The following C22orf42 variants were observed in gnomAD, a reference collection of about 807,000 sequenced individuals.
C22orf42 encodes chromosome 22 open reading frame 42.
C22orf42 carries 24 observed loss-of-function variants against 31.4 expected under a neutral mutation model. The observed-to-expected ratio is 0.77, with a 90% CI of 0.55 to 1.08. C22orf42 has a LOEUF of 1.08. C22orf42 is among the 50% of genes least tolerant of loss of function. The probability of loss-of-function intolerance (pLI) is 0.00; values close to 1 mark genes in which losing one functional copy is unlikely to be tolerated. For missense variants in C22orf42, 276 were observed against 327.3 expected (o/e 0.84, Z 1.21); for synonymous variants, 96 against 112.7 (o/e 0.85, Z 0.94).
intron 6 of C22orf42, chr22:32,150,728 T>C: frequency 1.6e-6 from 1 of 627,966 alleles, no homozygotes. Flanking sequence ...AAGAACCAGT[T>C]AATACAGAAA....
chr22:32,155,589 T>G (rs1921217208), intron 1 of C22orf42, among the ~76,000 whole-genome samples: 2 of 151,498 alleles, frequency 1.3e-5, no homozygotes, highest in South Asian at 4.2e-4. Flanking sequence ...ATCCTGTACT[T>G]CCCTCTCAGT....
At chr22:32,150,807 A>G in intron 6 of C22orf42, 185 bp downstream of exon 6, 4 of 666,124 alleles carry the variant, frequency 6.0e-6, no homozygotes, top group Non-Finnish European at 1.1e-5. Context: ...GAGTTGGGAA[A>G]GACAGAGGAG....
chr22:32,158,990 ACATCTTCAG>A lies in C22orf42; in HGVS notation c.217_225del (p.Leu73_Met75del), dbSNP rs768201524. 6.8e-6 allele frequency: 11 copies of A among 1,614,026 alleles called. No homozygotes were observed. The highest frequency in any genetic ancestry group is 2.7e-5 in the African/African-American group (2 of 74,898). On this transcript the variant is annotated inframe_deletion, in exon 1 of 9. Transcript: ENST00000382097. Reference sequence around the variant, plus strand: ...GCACCCATGGCTTCTTTACCTTTGGACATCTTCAGCATCTTCGGCGTCTTCGGGAGGCTG... The same window carrying A: ...GCACCCATGGCTTCTTTACCTTTGGACATCTTCGGCGTCTTCGGGAGGCTG...
chr22:32,155,579 A>C (rs1603182039), intron 1 of C22orf42, among the ~76,000 whole-genome samples: 1 of 151,554 alleles, frequency 6.6e-6, no homozygotes, highest in African/African-American at 2.4e-5. Context: ...TTCCAAAGCA[A>C]TCCTGTACTT....
chr22:32,150,391 A>C lies in C22orf42; in HGVS notation c.582T>G (p.Leu194=), dbSNP rs1300525420. The C allele has an allele frequency of 1.9e-6, 3 of 1,614,142 alleles. No homozygotes were observed. The highest frequency in any genetic ancestry group is 2.5e-6 in the Non-Finnish European group (3 of 1,179,982). Residue 194 remains leucine (L), a synonymous_variant, in exon 7 of 9, where the codon CTT becomes CTG. Coordinates refer to ENST00000382097, the MANE Select transcript of C22orf42 (RefSeq NM_001010859.3). ...TGAGACCTGATGTCATGAAGTCTTCAAGAGAGACAGATAGGCTTTCACTGA... is the reference window on the plus strand; with the variant it reads ...TGAGACCTGATGTCATGAAGTCTTCCAGAGAGACAGATAGGCTTTCACTGA... ...SDLSESLSVS[L]EDFMTSGLSE...
upstream of C22orf42, chr22:32,159,384 G>T: frequency 2.1e-6 from 3 of 1,429,954 alleles, no homozygotes; most frequent in Non-Finnish European, 2.7e-6. Flanking sequence ...ACCAAGTCAG[G>T]CTAGTGGCTC....
chr22:32,152,523 A>G (rs1569334103), intron 3 of C22orf42, 39 bp downstream of exon 3: 1 of 1,567,524 alleles, frequency 6.4e-7, no homozygotes, highest in Non-Finnish European at 8.8e-7. Context: ...CAGAAAAAAC[A>G]AAAAGCATTT....
intron 4 of C22orf42, 147 bp from the exon 5 acceptor site, chr22:32,151,698 G>A (rs985716610): frequency 1.3e-6 from 1 of 769,704 alleles, no homozygotes; most frequent in African/African-American, 1.7e-5. Flanking sequence ...ATTCTCCTTG[G>A]TGCTGAAGGA....
chr22:32,154,728 T>C (rs1355149756), intron 1 of C22orf42, among the ~76,000 whole-genome samples: 1 of 152,208 alleles, frequency 6.6e-6, no homozygotes, highest in Non-Finnish European at 1.5e-5. Flanking sequence ...GCTATAGACC[T>C]ACTAAGATCT....
Position 32,150,096 on chromosome 22 carries a change from G to T in C22orf42, c.654+223C>A, listed in dbSNP as rs1305356294. ...GACTACTGTCATCCAGCAGGACTCA[G>T]TTGGTCATAAACTCCAGTGACTGGT... On this transcript the variant is annotated intron_variant, in intron 7 of 8. Transcript: ENST00000382097. Among the ~76,000 whole-genome samples the T allele has an allele frequency of 3.3e-5, 5 of 152,296 alleles. No individual in the cohort carries two copies. The East Asian group carries it at 9.6e-4, about 29-fold the overall frequency.
In C22orf42 at chr22:32,150,996, G is replaced by T. The variant is rs759151242; in HGVS notation, c.489C>A (p.Asp163Glu). The T allele has an allele frequency of 3.7e-6, 6 of 1,612,018 alleles. No individual in the cohort carries two copies. The highest frequency in any genetic ancestry group is 1.1e-5 in the South Asian group (1 of 90,502). ...TGTTTAAAAAAAAATACGTACGGTG[G>T]TCGTGCTTGGCCTCAGATATTTCCT... ...SDIEISEAKHDHHLVEDLSES... is the reference protein window; with the variant it reads ...SDIEISEAKHEHHLVEDLSES... The change falls in exon 6 of 9, where the codon GAC becomes GAA. Residue 163 changes from aspartate to glutamate, a missense_variant. Transcript: ENST00000382097.
At chr22:32,158,657 C>T (rs1921407108) in intron 1 of C22orf42, among the ~76,000 whole-genome samples, 1 of 152,176 alleles carries the variant, frequency 6.6e-6, no homozygotes, top group Admixed American at 6.5e-5. Context: ...CAATTGGGCC[C>T]TTAACTGGCT....
At position 32,154,887 on chromosome 22, in the gene C22orf42, C is replaced by T. The variant is rs192935184; in HGVS notation, c.233-569G>A. On this transcript the variant is annotated intron_variant, in intron 1 of 8. Coordinates refer to ENST00000382097, the MANE Select transcript of C22orf42 (RefSeq NM_001010859.3). ...ACAGAGAGGGAGCGTGTATGGCTCC[C>T]GGGCAGGGGAGGGTGGAAGGTGACT... Among the ~76,000 whole-genome samples the T allele has an allele frequency of 3.5e-3, 529 of 152,286 alleles. 1 individual carries two copies. Among genetic ancestry groups the T allele is most frequent in the African/African-American group, 0.012 (507 of 41,548 alleles).
At chr22:32,152,126 T>C (rs1920999235) in intron 3 of C22orf42, 32 bp from the exon 4 acceptor site, 1 of 1,603,090 alleles carries the variant, frequency 6.2e-7, no homozygotes, top group Non-Finnish European at 8.5e-7. Context: ...AGAAACACCA[T>C]GAGGATCAGA....
chr22:32,159,590 A>C, upstream of C22orf42: 2 of 627,552 alleles, frequency 3.2e-6, no homozygotes, highest in Non-Finnish European at 4.1e-6. Flanking sequence ...TCAATAGAAA[A>C]CCCTGGTTAC....
intron 7 of C22orf42, 37 bp from the exon 8 acceptor site, chr22:32,149,817 A>C: frequency 1.4e-6 from 2 of 1,476,030 alleles, no homozygotes; most frequent in African/African-American, 2.9e-5. Flanking sequence ...TGAGGATCGG[A>C]TCATGCTGGG....
At chr22:32,152,170 T>C in intron 3 of C22orf42, 76 bp from the exon 4 acceptor site, 1 of 1,538,336 alleles carries the variant, frequency 6.5e-7, no homozygotes, top group South Asian at 1.2e-5. Context: ...GGCCTTTTAT[T>C]CACTTGGTGA....
At chr22:32,157,770 G>A (rs1921343328) in intron 1 of C22orf42, among the ~76,000 whole-genome samples, 1 of 152,260 alleles carries the variant, frequency 6.6e-6, no homozygotes, top group African/African-American at 2.4e-5. Context: ...TACCCACAAA[G>A]CCTCCTATGT....
At chr22:32,153,148 T>A (rs982150361) in intron 2 of C22orf42, among the ~76,000 whole-genome samples, 8 of 152,176 alleles carry the variant, frequency 5.3e-5, no homozygotes, top group Non-Finnish European at 8.8e-5. Context: ...GAGAAATATC[T>A]AAATTCATAA....
Sources: gnomAD v4.1 joint callset for allele counts (sites outside exome capture counted in the v4.1 genomes callset) on GRCh38, gnomAD v4.1.1 for gene constraint, MANE v1.5 for transcripts, NCBI Gene and HGNC (gene_info 2026-07-23, HGNC 2026-07-21) for gene names.